Variants in TOPAZ1 observed in about 807,000 individuals in gnomAD.
The protein encoded by TOPAZ1 is protein TOPAZ1.
A neutral mutation model predicts 172.2 loss-of-function variants in TOPAZ1; 66 were observed. The ratio of observed to expected loss-of-function variants is 0.38; its 90% CI spans 0.31 to 0.47. The LOEUF (loss-of-function observed/expected upper bound fraction) is 0.47. Ranked by LOEUF, TOPAZ1 falls within the 20% of genes least tolerant of loss-of-function variation. TOPAZ1 has a pLI of 0.99. For missense variants in TOPAZ1, 1,822 were observed against 1,972.4 expected, an observed-to-expected ratio of 0.92 and a Z score of 1.44; for synonymous variants, 681 against 683.9, an observed-to-expected ratio of 1.00 and a Z score of 0.07.
intron 11 of TOPAZ1, among the ~76,000 whole-genome samples, chr3:44,288,193 C>T (rs1353441951): frequency 2.0e-5 from 3 of 151,998 alleles, no homozygotes; most frequent in Non-Finnish European, 4.4e-5. Flanking sequence ...ATATAAAATT[C>T]AACTTTTGTT....
At chr3:44,328,665 T>C (rs17586716) in intron 19 of TOPAZ1, among the ~76,000 whole-genome samples, 27,473 of 152,116 alleles carry the variant, frequency 0.18, 2,734 homozygotes, top group Middle Eastern at 0.29. Context: ...GTAAACACTT[T>C]AGCAACTTCA....
At position 44,287,447 on chromosome 3, in the gene TOPAZ1, A is replaced by G. The variant is rs1700092177; in HGVS notation, c.3495A>G (p.Gln1165=). The change falls in exon 10 of 20, where the codon CAA becomes CAG. Residue 1165 remains glutamine (Q), a synonymous_variant. Transcript: ENST00000309765. ...KFPPGVYFDL[Q]VLNDLLNSLL... ...CCCCAGGTGTATACTTTGATTTACAAGTGCTAAATGACCTTCTAAATTCTT... is the reference window on the plus strand; with the variant it reads ...CCCCAGGTGTATACTTTGATTTACAGGTGCTAAATGACCTTCTAAATTCTT... 2 of 1,525,934 alleles carry G rather than the reference A, an allele frequency of 1.3e-6. No homozygotes were observed. Among genetic ancestry groups the G allele is most frequent in the Non-Finnish European group, 1.8e-6 (2 of 1,134,500 alleles). 94.5% of individuals were successfully genotyped at this position (1,525,934 alleles called of 1,614,324 possible). A position where few individuals can be genotyped will look rare whatever the true frequency, so the allele number is the denominator to read the frequency against.
chr3:44,251,380 C>T (rs1467591161), intron 2 of TOPAZ1, among the ~76,000 whole-genome samples: 2 of 152,182 alleles, frequency 1.3e-5, no homozygotes, highest in East Asian at 1.9e-4. Flanking sequence ...CATCAGCCTC[C>T]CAAATTGTGG....
intron 4 of TOPAZ1, among the ~76,000 whole-genome samples, chr3:44,257,469 AGTGTGTGTGTGTGTGT>A (rs10523650): frequency 2.9e-4 from 33 of 113,860 alleles, no homozygotes; most frequent in African/African-American, 1.2e-3. Flanking sequence ...ATATATATAT[AGTGTGTGTGTGTGTGT>A]GTGTGTGTGT....
chr3:44,262,607 T>C (rs947229274), intron 5 of TOPAZ1, 124 bp downstream of exon 5: 6 of 437,768 alleles, frequency 1.4e-5, no homozygotes, highest in Non-Finnish European at 2.5e-5. Context: ...CATATATAGG[T>C]ATAATTTAAT....
chr3:44,261,239 T>G (rs1433459236), intron 4 of TOPAZ1, among the ~76,000 whole-genome samples: 1 of 152,086 alleles, frequency 6.6e-6, no homozygotes, highest in African/African-American at 2.4e-5. Flanking sequence ...TCTCAGTTGA[T>G]TTTTGTAGTT....
intron 8 of TOPAZ1, among the ~76,000 whole-genome samples, chr3:44,281,307 G>C (rs965387932): frequency 6.6e-6 from 1 of 152,174 alleles, no homozygotes; most frequent in Non-Finnish European, 1.5e-5. Context: ...CCAAGGCCAG[G>C]TCTTCAGGCA....
rs1700378484 is a variant in TOPAZ1, at chr3:44,309,811, T to C, written c.4141-14T>C. The C allele has an allele frequency of 6.8e-7, 1 of 1,469,124 alleles. No homozygotes were observed. The allele number at this position is 1,469,124 out of a possible 1,614,324, so 91.0% of individuals were successfully genotyped here. On this transcript the variant is annotated splice_polypyrimidine_tract_variant and intron_variant, in intron 15 of 19. Transcript: ENST00000309765. ...TGATTGATACCCAATTAGTGTTCTT[T>C]ATTTTTATTCTAGGGAAGGAAGGTC...
Position 44,305,167 on chromosome 3 carries a change from C to CTGGA in TOPAZ1, c.3886_3889dup (p.Thr1297MetfsTer10). On this transcript the variant is annotated frameshift_variant, in exon 14 of 20. Coordinates refer to ENST00000309765, the MANE Select transcript of TOPAZ1 (RefSeq NM_001145030.2). LOFTEE classifies it high-confidence loss of function. ...GATAGCATTGTAAAGAAAAAGGTGA[C>CTGGA]TGGACCAAATTGGGAAAATTATACA... 1 of 1,520,514 alleles carries CTGGA rather than the reference C, an allele frequency of 6.6e-7. No individual in the cohort carries two copies. The allele number at this position is 1,520,514 out of a possible 1,614,324, so 94.2% of individuals were successfully genotyped here. A position where few individuals can be genotyped will look rare whatever the true frequency, so the allele number is the denominator to read the frequency against.
At chr3:44,280,832 C>T (rs776131060) in intron 8 of TOPAZ1, among the ~76,000 whole-genome samples, 9 of 152,206 alleles carry the variant, frequency 5.9e-5, no homozygotes, top group Non-Finnish European at 1.3e-4. Flanking sequence ...CAGTGGGGCT[C>T]CAGGGATTTT....
Position 44,245,737 on chromosome 3 carries a change from C to T in TOPAZ1, c.2765+466C>T, listed in dbSNP as rs553198973. On this transcript the variant is annotated intron_variant, in intron 2 of 19. Coordinates refer to ENST00000309765, the MANE Select transcript of TOPAZ1 (RefSeq NM_001145030.2). ...TGTATTTTTAGTAGACACGGGGTTT[C>T]ACTGTGTTAGCCAGGATGGTCTTGA... Among the ~76,000 whole-genome samples, 598 of 152,092 alleles carry T rather than the reference C, an allele frequency of 3.9e-3. 1 individual carries two copies. Among genetic ancestry groups the T allele is most frequent in the African/African-American group, 0.013 (539 of 41,496 alleles).
At chr3:44,271,421 G>A (rs1417206757) in intron 8 of TOPAZ1, among the ~76,000 whole-genome samples, 1 of 152,044 alleles carries the variant, frequency 6.6e-6, no homozygotes, top group Non-Finnish European at 1.5e-5. Context: ...GCATTAATGG[G>A]ATATGCTCTA....
At chr3:44,274,731 T>G (rs1479218169) in intron 8 of TOPAZ1, among the ~76,000 whole-genome samples, 1 of 151,842 alleles carries the variant, frequency 6.6e-6, no homozygotes, top group East Asian at 2.0e-4. Flanking sequence ...ATTTTGTATT[T>G]TTAGTAGAGA....
intron 16 of TOPAZ1, among the ~76,000 whole-genome samples, chr3:44,312,274 ACC>A (rs1700405272): frequency 1.3e-5 from 2 of 151,718 alleles, no homozygotes; most frequent in South Asian, 4.1e-4. Context: ...AGCAGTTGCT[ACC>A]ATCCGAATAA....
At chr3:44,315,533 A>T (rs1423680410) in intron 16 of TOPAZ1, among the ~76,000 whole-genome samples, 38 of 128,876 alleles carry the variant, frequency 2.9e-4, no homozygotes, top group East Asian at 4.5e-4. Flanking sequence ...ACGTCTGGCT[A>T]TTTTTTTTTT....
chr3:44,244,179 A>G lies in TOPAZ1; in HGVS notation c.1673A>G (p.Glu558Gly). Residue 558 changes from glutamate to glycine, a missense_variant, in exon 2 of 20, where the codon GAA (glutamate) becomes GGA (glycine). Physicochemically the swap from Glu to Gly is moderately conservative, Grantham distance 98 (BLOSUM62 -2). This residue lies in a region of TOPAZ1 where 1,489 missense variants were observed against 1,490.8 expected (regional missense o/e 1.00). Coordinates refer to ENST00000309765, the MANE Select transcript of TOPAZ1 (RefSeq NM_001145030.2). ...LQSSLTETNT[E>G]SSSKEKLDSN... is the part of the protein sequence containing the mutation. ...AGTTCCTTAACAGAAACAAACACTG[A>G]ATCTTCAAGTAAAGAAAAATTAGAT... 1.9e-6 allele frequency: 3 copies of G among 1,550,634 alleles called. No individual in the cohort carries two copies. Among genetic ancestry groups the G allele is most frequent in the Non-Finnish European group, 2.6e-6 (3 of 1,146,532 alleles).
chr3:44,242,537 G>T, intron 1 of TOPAZ1, 138 bp downstream of exon 1: 1 of 995,346 alleles, frequency 1.0e-6, no homozygotes. Flanking sequence ...GGGAAAAATG[G>T]ATTTCCTTAA....
intron 8 of TOPAZ1, among the ~76,000 whole-genome samples, chr3:44,279,294 G>A (rs2125690004): frequency 6.6e-6 from 1 of 152,288 alleles, no homozygotes; most frequent in Admixed American, 6.5e-5. Flanking sequence ...GTGTTCTGTA[G>A]CTGTTGGATG....
chr3:44,305,803 T>G (rs11917026), intron 14 of TOPAZ1, among the ~76,000 whole-genome samples: 10,834 of 152,288 alleles, frequency 0.071, 530 homozygotes, highest in Middle Eastern at 0.12. Context: ...CTTTCTGAAT[T>G]TTTCCATCTA....
Sources: gnomAD v4.1 joint callset for allele counts (sites outside exome capture counted in the v4.1 genomes callset) on GRCh38, gnomAD v4.1.1 for gene constraint, gnomAD v4.1.1 regional missense constraint, MANE v1.5 for transcripts, NCBI Gene and HGNC (gene_info 2026-07-23, HGNC 2026-07-21) for gene names.